Variants in CNOT10 observed in about 807,000 individuals in gnomAD.
CNOT10 encodes the protein CCR4-NOT transcription complex subunit 10, also known as CCR4-NOT transcription complex, subunit 10.
A neutral mutation model predicts 94.6 loss-of-function variants in CNOT10; 30 were observed. The ratio of observed to expected loss-of-function variants is 0.32; its 90% CI spans 0.24 to 0.43. The LOEUF (loss-of-function observed/expected upper bound fraction) is 0.43, where lower values mean the gene tolerates loss of function less well. Ranked by LOEUF, CNOT10 falls within the 20% of genes least tolerant of loss-of-function variation. The pLI, the probability that CNOT10 is intolerant of heterozygous loss-of-function variation, is 1.00. For synonymous variants in CNOT10, 289 were observed against 301.6 expected (o/e 0.96, Z 0.43); for missense variants, 759 against 877.2 (o/e 0.87, Z 1.70).
At chr3:32,689,869 G>A (rs930513073) in intron 1 of CNOT10, among the ~76,000 whole-genome samples, 7 of 152,116 alleles carry the variant, frequency 4.6e-5, no homozygotes, top group Non-Finnish European at 8.8e-5. Flanking sequence ...ATGAGAGGAT[G>A]GCTTGAGCCC....
intron 12 of CNOT10, 95 bp downstream of exon 12, chr3:32,735,071 C>T (rs1699124684): frequency 4.9e-6 from 5 of 1,018,588 alleles, no homozygotes; most frequent in Non-Finnish European, 7.2e-6. Context: ...AATCTTCAAC[C>T]TGAATTTCTG....
At chr3:32,766,757 C>T (rs1253282322) in intron 17 of CNOT10, among the ~76,000 whole-genome samples, 1 of 152,104 alleles carries the variant, frequency 6.6e-6, no homozygotes, top group African/African-American at 2.4e-5. Flanking sequence ...AATTCTACCA[C>T]TGAAATGGTG....
At chr3:32,721,060 C>CTTTTTTTT (rs377750318) in intron 8 of CNOT10, among the ~76,000 whole-genome samples, 3 of 97,696 alleles carry the variant, frequency 3.1e-5, no homozygotes, top group Admixed American at 1.4e-4. Context: ...TCTTTCCTTT[C>CTTTTTTTT]TTTTTTTTTT....
At chr3:32,750,292 C>T (rs777261249) in intron 13 of CNOT10, among the ~76,000 whole-genome samples, 10 of 151,942 alleles carry the variant, frequency 6.6e-5, no homozygotes, top group South Asian at 4.1e-4. Flanking sequence ...GTCAGGAGTT[C>T]GAGACCAATC....
In CNOT10 at chr3:32,742,534, A is replaced by G. The variant is rs376724663; in HGVS notation, c.1595+5044A>G. On this transcript the variant is annotated intron_variant, in intron 13 of 18. Coordinates refer to ENST00000328834, the MANE Select transcript of CNOT10 (RefSeq NM_015442.3). The stretch of plus-strand genomic sequence containing the variant: ...GTAGCTGAGATTACAGGCATGTGCC[A>G]CCACACCCGGCTAATTTTTGTATTT... Among the ~76,000 whole-genome samples, 11 of 152,218 alleles carry G rather than the reference A, an allele frequency of 7.2e-5. No individual in the cohort carries two copies. In the South Asian group the frequency reaches 2.3e-3, roughly 32 times the overall value.
At position 32,762,808 on chromosome 3, in the gene CNOT10, C is replaced by G; in HGVS notation, c.1785C>G (p.Asn595Lys). The stretch of plus-strand genomic sequence containing the variant: ...TATCTGATGCCATTACTCACTTGAA[C>G]CCGGAGAATGTCACTGATGTCTCCT... ...DRISDAITHL[N>K]PENVTDVSLG... Residue 595 changes from asparagine (N) to lysine (K), a missense_variant, in exon 15 of 19, where the codon AAC becomes AAG. By Grantham distance (94) the Asn-to-Lys change is moderately conservative (BLOSUM62 0). Transcript: ENST00000328834. The G allele has an allele frequency of 6.3e-7, 1 of 1,586,144 alleles. No homozygotes were observed. Among genetic ancestry groups the G allele is most frequent in the Non-Finnish European group, 8.5e-7 (1 of 1,171,996 alleles).
chr3:32,757,196 T>TTTG (rs1491022706), intron 13 of CNOT10, among the ~76,000 whole-genome samples: 1 of 139,462 alleles, frequency 7.2e-6, no homozygotes, highest in Non-Finnish European at 1.5e-5. Context: ...TTTTTTTTTT[T>TTTG]GTGACGGAGT....
chr3:32,724,144 C>T (rs978609586), intron 8 of CNOT10, among the ~76,000 whole-genome samples: 1 of 151,994 alleles, frequency 6.6e-6, no homozygotes, highest in South Asian at 2.1e-4. Context: ...AATACAAATT[C>T]CCAAACATGA....
intron 17 of CNOT10, among the ~76,000 whole-genome samples, chr3:32,766,667 C>T (rs1307642065): frequency 1.3e-5 from 2 of 151,832 alleles, no homozygotes; most frequent in Non-Finnish European, 2.9e-5. Context: ...ATAAATCCAC[C>T]TTTCAGAAAG....
At chr3:32,727,541 T>G (rs1698733451) in intron 9 of CNOT10, 127 bp from the exon 10 acceptor site, 6 of 665,658 alleles carry the variant, frequency 9.0e-6, no homozygotes, top group Admixed American at 2.7e-5. Flanking sequence ...GCGAGAGCTA[T>G]TAAAACTCAG....
intron 17 of CNOT10, 128 bp downstream of exon 17, chr3:32,764,937 T>C: frequency 6.7e-7 from 1 of 1,502,204 alleles, no homozygotes; most frequent in Non-Finnish European, 8.9e-7. Context: ...CTTTCCCAGA[T>C]ATAAAAATAT....
chr3:32,723,251 G>C (rs1389060622), intron 8 of CNOT10, among the ~76,000 whole-genome samples: 1 of 152,046 alleles, frequency 6.6e-6, no homozygotes, highest in South Asian at 2.1e-4. Context: ...AAATTAGCCA[G>C]GTGTGGTGGC....
Position 32,764,336 on chromosome 3 carries a change from C to CAAA in CNOT10, c.1841-107_1841-105dup, listed in dbSNP as rs753565203. On this transcript the variant is annotated intron_variant, in intron 15 of 18. Coordinates refer to ENST00000328834, the MANE Select transcript of CNOT10 (RefSeq NM_015442.3). ...TGGGCAACAGAGCGAGGCTCCATCT[C>CAAA]AAAAAAAAAAAAAAGAAAAGAAAAG... is the stretch of plus-strand genomic sequence containing the variant. 1.5e-3 allele frequency: 1,254 copies of CAAA among 809,284 alleles called. 1 individual carries two copies. Among genetic ancestry groups the CAAA allele is most frequent in the Middle Eastern group, 2.5e-3 (9 of 3,572 alleles). The allele number at this position is 809,284 out of a possible 1,614,324, so 50.1% of individuals were successfully genotyped here.
chr3:32,685,539 C>G, intron 1 of CNOT10, 57 bp downstream of exon 1: 2 of 1,542,092 alleles, frequency 1.3e-6, no homozygotes, highest in African/African-American at 1.4e-5. Flanking sequence ...CCGGGCGGAC[C>G]CTGAACTCGG....
intron 7 of CNOT10, 151 bp from the exon 8 acceptor site, chr3:32,719,963 G>C (rs937098796): frequency 1.0e-4 from 44 of 425,072 alleles, no homozygotes; most frequent in Non-Finnish European, 1.8e-4. Flanking sequence ...GATTGTGAGA[G>C]CAATGAAAAA....
rs1700853526 is a variant in CNOT10, at chr3:32,770,454, T to C, written c.2080+492T>C. Among the ~76,000 whole-genome samples the C allele has an allele frequency of 2.0e-5, 3 of 148,744 alleles. No homozygotes were observed. In the Admixed American group the frequency reaches 2.1e-4, roughly 10 times the overall value. On this transcript the variant is annotated intron_variant, in intron 18 of 18. Transcript: ENST00000328834. ...CATTCTCCTGCCTCAGCCTCCTGAGTAGCTAGGACTACAGGCGCCCGCCAC... is the reference window on the plus strand; with the variant it reads ...CATTCTCCTGCCTCAGCCTCCTGAGCAGCTAGGACTACAGGCGCCCGCCAC...
chr3:32,764,712 G>A lies in CNOT10; in HGVS notation c.1907G>A (p.Ser636Asn). The change falls in exon 17 of 19, where the codon AGT (serine) becomes AAT (asparagine). Residue 636 changes from serine to asparagine, a missense_variant. Ser to Asn is a conservative substitution (Grantham distance 46, BLOSUM62 1). This residue lies in a region of CNOT10 where 682 missense variants were observed against 799.4 expected (regional missense o/e 0.85). Coordinates refer to ENST00000328834, the MANE Select transcript of CNOT10 (RefSeq NM_015442.3). ...AAGCGGGCCCCTCAGTGCTACCCCA[G>A]TTCCGTCAACTCTGCCAGGACTGTG... ...SGKRAPQCYP[S>N]SVNSARTVML... 1.2e-6 allele frequency: 2 copies of A among 1,614,140 alleles called. No homozygotes were observed. Among genetic ancestry groups the A allele is most frequent in the South Asian group, 2.2e-5 (2 of 91,078 alleles).
At chr3:32,773,011 A>G (rs560183656) in intron 18 of CNOT10, among the ~76,000 whole-genome samples, 4 of 152,200 alleles carry the variant, frequency 2.6e-5, no homozygotes, top group African/African-American at 9.6e-5. Context: ...GACTACAGGC[A>G]TGCACCACCA....
chr3:32,759,654 G>T, intron 14 of CNOT10, 83 bp downstream of exon 14: 2 of 905,046 alleles, frequency 2.2e-6, no homozygotes, highest in South Asian at 1.4e-5. Flanking sequence ...TGCTTCTTTT[G>T]ACTCCTCCAG....
Sources: allele counts gnomAD v4.1 joint callset (sites outside exome capture counted in the v4.1 genomes callset), GRCh38; gene constraint gnomAD v4.1.1; regional missense constraint gnomAD v4.1.1; transcripts MANE v1.5; gene names NCBI Gene and HGNC (gene_info 2026-07-23, HGNC 2026-07-21).